MYO16: variants seen among roughly 807,000 people sequenced by gnomAD.
MYO16 encodes myosin XVI, also known as unconventional myosin-XVI.
MYO16 carries 94 observed loss-of-function variants against 205.3 expected under a neutral mutation model. The ratio of observed to expected loss-of-function variants is 0.46; its 90% CI spans 0.39 to 0.54. The LOEUF (loss-of-function observed/expected upper bound fraction) is 0.54, where lower values mean the gene tolerates loss of function less well. Among genes scored for constraint, MYO16 ranks in the 20% least tolerant of loss-of-function variants. MYO16 has a pLI of 0.00. For synonymous variants in MYO16, 988 were observed against 954.0 expected (o/e 1.04, Z -0.66); for missense variants, 2,315 against 2,387.5 (o/e 0.97, Z 0.63).
At chr13:108,828,091 A>G (rs1274506631) in intron 9 of MYO16, among the ~76,000 whole-genome samples, 1 of 152,124 alleles carries the variant, frequency 6.6e-6, no homozygotes, top group East Asian at 1.9e-4. Flanking sequence ...AGTTTGGATT[A>G]TTTCATTTAA....
Position 109,140,993 on chromosome 13 carries a change from C to T in MYO16, c.4781C>T (p.Thr1594Met), listed in dbSNP as rs777292190. ...NGSGRASPPS[T>M]PPPPPPPPGP... ...TCCGGCCGAGCCTCCCCGCCGTCCA[C>T]GCCGCCCCCGCCCCCGCCCCCGCCC... Residue 1594 changes from threonine (T) to methionine (M), a missense_variant, in exon 32 of 35, where the codon ACG becomes ATG. Physicochemically the swap from Thr to Met is moderately conservative, Grantham distance 81. Transcript: ENST00000457511. The surrounding 1 kb of genome is among the most constrained non-coding windows in gnomAD (Gnocchi z 8.0). 1.5e-6 allele frequency: 2 copies of T among 1,343,208 alleles called. No homozygotes were observed. Among genetic ancestry groups the T allele is most frequent in the Non-Finnish European group, 1.9e-6 (2 of 1,048,262 alleles). The allele number at this position is 1,343,208 out of a possible 1,614,324, so 83.2% of individuals were successfully genotyped here. A position where few individuals can be genotyped will look rare whatever the true frequency, so the allele number is the denominator to read the frequency against.
chr13:108,708,398 A>C (rs535021517), intron 2 of MYO16, among the ~76,000 whole-genome samples: 134 of 152,284 alleles, frequency 8.8e-4, no homozygotes, highest in Admixed American at 2.4e-3. Context: ...TTTCAGGAGG[A>C]AAAAAATGAC....
chr13:108,633,919 G>T (rs1036560764), intron 1 of MYO16, among the ~76,000 whole-genome samples: 1 of 152,012 alleles, frequency 6.6e-6, no homozygotes, highest in East Asian at 1.9e-4. Context: ...CCTGCTCTCC[G>T]CCTGGTCCAG....
chr13:109,189,103 G>GA (rs552788348), intron 34 of MYO16, among the ~76,000 whole-genome samples: 1,475 of 142,228 alleles, frequency 0.01, 22 homozygotes, highest in African/African-American at 0.034. Flanking sequence ...TAAAAAAAAT[G>GA]AAAAAAAAAA....
chr13:109,168,656 C>T (rs1878796183), intron 33 of MYO16, among the ~76,000 whole-genome samples: 1 of 152,094 alleles, frequency 6.6e-6, no homozygotes, highest in Admixed American at 6.6e-5. Flanking sequence ...ACCCAGGAGG[C>T]GGAGTTTGCA....
chr13:109,030,177 A>AAAC, intron 23 of MYO16, among the ~76,000 whole-genome samples: 1 of 151,898 alleles, frequency 6.6e-6, no homozygotes, highest in South Asian at 2.1e-4. Flanking sequence ...GCAAAAAAAA[A>AAAC]AAACTAGCGG....
intron 12 of MYO16, among the ~76,000 whole-genome samples, chr13:108,878,301 G>A (rs1879423267): frequency 1.3e-5 from 2 of 152,210 alleles, no homozygotes; most frequent in South Asian, 2.1e-4. Flanking sequence ...ACAAGCAGAT[G>A]AACAGAAGAG....
intron 16 of MYO16, among the ~76,000 whole-genome samples, chr13:108,949,110 A>C (rs1166747264): frequency 6.6e-6 from 1 of 152,242 alleles, no homozygotes; most frequent in Non-Finnish European, 1.5e-5. Flanking sequence ...CACAAGTCGA[A>C]TTTTATACAA....
chr13:109,165,184 C>A, intron 33 of MYO16, 125 bp downstream of exon 33: 1 of 657,480 alleles, frequency 1.5e-6, no homozygotes, highest in Non-Finnish European at 2.5e-6. Context: ...GAATATAAAC[C>A]ATGAAACTCC....
In MYO16 at chr13:109,023,476, A is replaced by G. The variant is rs1281406209; in HGVS notation, c.2796+3565A>G. ...ATATATATTTATATATTATACAGAT[A>G]TAAATATATATTTATATATTATACA... On this transcript the variant is annotated intron_variant, in intron 23 of 34. Coordinates refer to ENST00000457511, the MANE Select transcript of MYO16 (RefSeq NM_001198950.3). 5.3e-4 allele frequency among the ~76,000 whole-genome samples: 58 copies of G among 110,010 alleles called. No individual in the cohort carries two copies. The South Asian group carries it at 0.016, about 30-fold the overall frequency. 72.2% of individuals were successfully genotyped at this position (110,010 alleles called of 152,430 possible). A position where few individuals can be genotyped will look rare whatever the true frequency, so the allele number is the denominator to read the frequency against.
intron 27 of MYO16, among the ~76,000 whole-genome samples, chr13:109,080,713 G>C (rs751904361): frequency 1.1e-4 from 17 of 151,882 alleles, no homozygotes; most frequent in Non-Finnish European, 1.8e-4. Context: ...AGAACTCTGA[G>C]ACATGAAAAA....
intron 28 of MYO16, among the ~76,000 whole-genome samples, chr13:109,114,288 C>T (rs1875561239): frequency 6.6e-6 from 1 of 152,192 alleles, no homozygotes; most frequent in South Asian, 2.1e-4. Context: ...TCACTGGCCC[C>T]ATCCCAACCC....
chr13:109,097,244 G>C (rs1594082807), intron 27 of MYO16, among the ~76,000 whole-genome samples: 1 of 152,152 alleles, frequency 6.6e-6, no homozygotes. Context: ...CAGGAAAATT[G>C]TTTGAACCCA....
At chr13:108,905,046 A>G (rs1284836454) in intron 15 of MYO16, among the ~76,000 whole-genome samples, 1 of 152,146 alleles carries the variant, frequency 6.6e-6, no homozygotes, top group Admixed American at 6.6e-5. Flanking sequence ...AAGATTTTTA[A>G]TTAGCTCTTT....
At chr13:108,705,505 AT>A (rs1883476024) in intron 2 of MYO16, among the ~76,000 whole-genome samples, 1 of 152,204 alleles carries the variant, frequency 6.6e-6, no homozygotes, top group East Asian at 1.9e-4. Context: ...TATAACTTTT[AT>A]TACAGTATAT....
At chr13:108,661,010 T>G (rs1881478294) in intron 1 of MYO16, among the ~76,000 whole-genome samples, 1 of 152,240 alleles carries the variant, frequency 6.6e-6, no homozygotes, top group African/African-American at 2.4e-5. Context: ...TTTGTTTGTC[T>G]GAAAACAACT....
chr13:109,151,578 A>G (rs955377363), intron 32 of MYO16, among the ~76,000 whole-genome samples: 12 of 152,228 alleles, frequency 7.9e-5, no homozygotes, highest in African/African-American at 2.9e-4. Flanking sequence ...GAGCTTCTTC[A>G]TACTGAAAAC....
intron 4 of MYO16, among the ~76,000 whole-genome samples, chr13:108,740,988 C>G (rs1884888163): frequency 6.6e-6 from 1 of 152,120 alleles, no homozygotes; most frequent in Admixed American, 6.5e-5. Context: ...TGGAAAAGTG[C>G]AGTATTAGGG....
upstream of MYO16, among the ~76,000 whole-genome samples, chr13:108,593,997 T>C (rs1190354473): frequency 6.6e-6 from 1 of 152,202 alleles, no homozygotes; most frequent in African/African-American, 2.4e-5. Flanking sequence ...CAGGTGTCTC[T>C]GTGCTCATGA....
Sources: gnomAD v4.1 joint callset for allele counts (sites outside exome capture counted in the v4.1 genomes callset) on GRCh38, gnomAD v4.1.1 for gene constraint, Gnocchi (gnomAD v3.1) non-coding constraint, MANE v1.5 for transcripts, NCBI Gene and HGNC (gene_info 2026-07-23, HGNC 2026-07-21) for gene names.